Variants in THSD4 observed in about 807,000 individuals in gnomAD.
THSD4 encodes thrombospondin type 1 domain containing 4.
In THSD4, 69 loss-of-function variants were observed where a neutral mutation model predicts 119.0. The observed-to-expected ratio is 0.58, with a 90% CI of 0.48 to 0.71. The LOEUF is 0.71. Among genes scored for constraint, THSD4 ranks in the 30% least tolerant of loss-of-function variants. The pLI, the probability that THSD4 is intolerant of heterozygous loss-of-function variation, is 0.00. For synonymous variants in THSD4, 524 were observed against 540.4 expected, an observed-to-expected ratio of 0.97 and a Z score of 0.42; for missense variants, 1,393 against 1,391.1, an observed-to-expected ratio of 1.00 and a Z score of -0.02.
intron 7 of THSD4, among the ~76,000 whole-genome samples, chr15:71,480,319 T>C (rs1448382939): frequency 6.6e-6 from 1 of 152,226 alleles, no homozygotes; most frequent in Non-Finnish European, 1.5e-5. Context: ...ATTACAGGCA[T>C]GTGCCACCAT....
intron 8 of THSD4, among the ~76,000 whole-genome samples, chr15:71,693,836 G>C (rs556933482): frequency 1.3e-5 from 2 of 152,180 alleles, no homozygotes; most frequent in South Asian, 4.2e-4. Context: ...ACATCCCTTT[G>C]CTCTTCCTTC....
intron 5 of THSD4, among the ~76,000 whole-genome samples, chr15:71,255,076 G>A (rs1023161060): frequency 2.6e-5 from 4 of 152,192 alleles, no homozygotes; most frequent in African/African-American, 7.2e-5. Flanking sequence ...CTCATCTTCC[G>A]GGAGACCTAA....
At chr15:71,139,991 G>A (rs766640081) in intron 1 of THSD4, among the ~76,000 whole-genome samples, 8 of 152,198 alleles carry the variant, frequency 5.3e-5, no homozygotes, top group Non-Finnish European at 8.8e-5. Context: ...TTCATAACTT[G>A]CCTTTGAAAC....
At chr15:71,399,867 C>G (rs8031773) in intron 6 of THSD4, among the ~76,000 whole-genome samples, 3 of 151,974 alleles carry the variant, frequency 2.0e-5, no homozygotes, top group Admixed American at 2.0e-4. Flanking sequence ...TTGAAAGCCA[C>G]TGAATCAGAG....
chr15:71,775,535 C>G (rs1291231149), intron 17 of THSD4, among the ~76,000 whole-genome samples: 1 of 151,922 alleles, frequency 6.6e-6, no homozygotes, highest in Non-Finnish European at 1.5e-5. Flanking sequence ...TGGTGAAACC[C>G]TATCTCTACT....
At chr15:71,298,801 C>T (rs1264180580) in intron 6 of THSD4, among the ~76,000 whole-genome samples, 1 of 152,106 alleles carries the variant, frequency 6.6e-6, no homozygotes, top group South Asian at 2.1e-4. Flanking sequence ...TTAGTAGAGA[C>T]GGGGTTTTAC....
chr15:71,294,220 T>C (rs1484477917), intron 6 of THSD4, among the ~76,000 whole-genome samples: 1 of 152,190 alleles, frequency 6.6e-6, no homozygotes, highest in African/African-American at 2.4e-5. Context: ...CGAGCTTCTG[T>C]TTCTTCTGTC....
At chr15:71,383,050 TC>T (rs1399944052) in intron 6 of THSD4, among the ~76,000 whole-genome samples, 2 of 152,296 alleles carry the variant, frequency 1.3e-5, no homozygotes, top group East Asian at 1.9e-4. Context: ...AAGGGACCCT[TC>T]CCCCCATCAT....
intron 3 of THSD4, among the ~76,000 whole-genome samples, chr15:71,206,350 G>A (rs1248393722): frequency 1.3e-5 from 2 of 152,088 alleles, no homozygotes; most frequent in Admixed American, 1.3e-4. Context: ...CCACCTCCCC[G>A]AGCTCCTGCA....
intron 6 of THSD4, among the ~76,000 whole-genome samples, chr15:71,407,079 A>C (rs2046619522): frequency 6.6e-6 from 1 of 152,170 alleles, no homozygotes; most frequent in African/African-American, 2.4e-5. Context: ...TTCTCTAGTA[A>C]CAATTTTTGT....
intron 6 of THSD4, among the ~76,000 whole-genome samples, chr15:71,320,473 T>C (rs2045251200): frequency 6.6e-6 from 1 of 152,204 alleles, no homozygotes; most frequent in Admixed American, 6.5e-5. Flanking sequence ...TCACAAACTT[T>C]CCTTCTCCTA....
intron 7 of THSD4, among the ~76,000 whole-genome samples, chr15:71,559,115 C>A (rs984919156): frequency 2.6e-5 from 4 of 152,116 alleles, no homozygotes; most frequent in African/African-American, 7.2e-5. Context: ...TCTTCTGTGT[C>A]TTTTCTAATG....
At chr15:71,631,608 G>T (rs2050629841) in intron 7 of THSD4, among the ~76,000 whole-genome samples, 2 of 152,228 alleles carry the variant, frequency 1.3e-5, no homozygotes, top group South Asian at 4.1e-4. Flanking sequence ...GTATCTTAGA[G>T]ATTTTGAAAA....
At chr15:71,118,170 C>T (rs1225342356) in intron 1 of THSD4, among the ~76,000 whole-genome samples, 1 of 152,092 alleles carries the variant, frequency 6.6e-6, no homozygotes, top group African/African-American at 2.4e-5. Context: ...TAGGAAAGTA[C>T]TGTATGGACA....
intron 7 of THSD4, among the ~76,000 whole-genome samples, chr15:71,588,230 C>T (rs1360319784): frequency 2.0e-5 from 3 of 149,594 alleles, no homozygotes; most frequent in Non-Finnish European, 4.5e-5. Flanking sequence ...GGCGTGAACC[C>T]GGGAGGCGGA....
chr15:71,330,096 A>G (rs576122644), intron 6 of THSD4, among the ~76,000 whole-genome samples: 12 of 151,974 alleles, frequency 7.9e-5, no homozygotes, highest in Admixed American at 2.0e-4. Flanking sequence ...GGAAAAAAAA[A>G]AAAAAGACCA....
intron 7 of THSD4, among the ~76,000 whole-genome samples, chr15:71,486,825 G>A (rs1038737444): frequency 6.6e-6 from 1 of 151,982 alleles, no homozygotes; most frequent in Non-Finnish European, 1.5e-5. Flanking sequence ...TCCTTTTCCT[G>A]GAGCTAACCC....
At chr15:71,180,791 A>G (rs2043513692) in intron 3 of THSD4, among the ~76,000 whole-genome samples, 1 of 152,178 alleles carries the variant, frequency 6.6e-6, no homozygotes, top group African/African-American at 2.4e-5. Flanking sequence ...TTCAATAGTG[A>G]GGGGCATGAG....
chr15:71,695,742 GAGA>G lies in THSD4; in HGVS notation c.1358-32802_1358-32800del, dbSNP rs1448019714. ...GTTGCTTTCTTCTTCCTTCACAAGG[GAGA>G]AGAATACCTTCAGAATCAGATTCAA... is the stretch of plus-strand genomic sequence containing the variant. On this transcript the variant is annotated intron_variant, in intron 8 of 17. Transcript: ENST00000261862. Among the ~76,000 whole-genome samples, 3 of 152,130 alleles carry G rather than the reference GAGA, an allele frequency of 2.0e-5. No homozygotes were observed. The East Asian group carries it at 5.8e-4, about 29-fold the overall frequency.
Sources: gnomAD v4.1 joint callset for allele counts (sites outside exome capture counted in the v4.1 genomes callset) on GRCh38, gnomAD v4.1.1 for gene constraint, MANE v1.5 for transcripts, NCBI Gene and HGNC (gene_info 2026-07-23, HGNC 2026-07-21) for gene names.